Variants in CLCN4 observed in about 807,000 individuals in gnomAD.
CLCN4 encodes Cl-/H+ antiporter 4.
CLCN4 carries 1 observed loss-of-function variant against 41.7 expected under a neutral mutation model. The observed-to-expected ratio is 0.02, with a 90% CI of 0.01 to 0.11. CLCN4 has a LOEUF of 0.11. Among genes scored for constraint, CLCN4 ranks in the 10% least tolerant of loss-of-function variants. The pLI is 1.00. For missense variants in CLCN4, 287 were observed against 661.0 expected (o/e 0.43, Z 6.20); for synonymous variants, 277 against 285.8 (o/e 0.97, Z 0.31).
At chrX:10,190,970 C>A (rs1430731004) in intron 4 of CLCN4, among the ~76,000 whole-genome samples, 1 of 111,931 alleles carries the variant, frequency 8.9e-6, no homozygotes, top group East Asian at 2.8e-4. Context: ...TCTCTGTAAG[C>A]CTCACCTCCC....
chrX:10,226,099 C>T (rs898831349), intron 12 of CLCN4, among the ~76,000 whole-genome samples: 5 of 111,348 alleles, frequency 4.5e-5, no homozygotes, highest in South Asian at 3.8e-4. Context: ...TTCTTCTTGG[C>T]GCCACATGAC....
intron 8 of CLCN4, 126 bp downstream of exon 8, chrX:10,206,902 TTTTG>T (rs1924405667): frequency 1.0e-5 from 5 of 477,257 alleles, no homozygotes; most frequent in South Asian, 8.8e-5. Flanking sequence ...ACTGTTTTTT[TTTTG>T]TTTTGTTTTT....
At chrX:10,207,921 C>T in intron 8 of CLCN4, 124 bp from the exon 9 acceptor site, 4 of 582,109 alleles carry the variant, frequency 6.9e-6, no homozygotes, top group Non-Finnish European at 1.1e-5. Flanking sequence ...ACATTAAGTC[C>T]AGGCTCATGG....
At position 10,158,381 on chromosome X, in the gene CLCN4, G is replaced by A; in HGVS notation, c.-182G>A. On this transcript the variant is annotated 5_prime_UTR_variant, in exon 2 of 13. Coordinates refer to ENST00000380833, the MANE Select transcript of CLCN4 (RefSeq NM_001830.4). ...GACCCTCACCTCCCGGGACTTCCAGGGTCTTCCCCCCACCCCGCGCACACC... is the reference window on the plus strand; with the variant it reads ...GACCCTCACCTCCCGGGACTTCCAGAGTCTTCCCCCCACCCCGCGCACACC... 1 of 296,553 alleles carries A rather than the reference G, an allele frequency of 3.4e-6. No homozygotes were observed. The highest frequency in any genetic ancestry group is 4.8e-5 in the East Asian group (1 of 20,984). The allele number at this position is 296,553 out of a possible 1,213,427, so 24.4% of individuals were successfully genotyped here.
intron 2 of CLCN4, among the ~76,000 whole-genome samples, chrX:10,174,027 C>T (rs979806719): frequency 1.8e-5 from 2 of 112,038 alleles, no homozygotes; most frequent in Non-Finnish European, 3.8e-5. Flanking sequence ...ATAGCAATCC[C>T]CCTCCCCAGA....
intron 2 of CLCN4, among the ~76,000 whole-genome samples, chrX:10,175,905 CCT>C (rs1302038229): frequency 2.3e-5 from 1 of 43,819 alleles, no homozygotes; most frequent in Non-Finnish European, 3.9e-5. Context: ...TCTCTCTCTC[CCT>C]CCCTCCCTCT....
chrX:10,207,440 C>T (rs5978384), intron 8 of CLCN4, among the ~76,000 whole-genome samples: 7,368 of 111,999 alleles, frequency 0.066, 546 homozygotes, highest in African/African-American at 0.21. Flanking sequence ...GTTGTAGCTG[C>T]TCAGCTCTGC....
chrX:10,216,475 C>T (rs1244485198), intron 11 of CLCN4, among the ~76,000 whole-genome samples: 2 of 111,141 alleles, frequency 1.8e-5, no homozygotes, highest in East Asian at 5.7e-4. Context: ...GGCTCAGGTG[C>T]TTCTTGTCTT....
chrX:10,204,611 G>GTTTTTTT (rs1307394281), intron 6 of CLCN4, among the ~76,000 whole-genome samples: 1 of 19,683 alleles, frequency 5.1e-5, no homozygotes, highest in Non-Finnish European at 1.1e-4. Flanking sequence ...AAAGCTAGTA[G>GTTTTTTT]TCTTTTTTTT....
chrX:10,189,783 A>C (rs1370605180), intron 4 of CLCN4, among the ~76,000 whole-genome samples: 1 of 112,100 alleles, frequency 8.9e-6, no homozygotes, highest in African/African-American at 3.2e-5. Flanking sequence ...GCTTATCAGA[A>C]GTCACCGCTA....
intron 2 of CLCN4, among the ~76,000 whole-genome samples, chrX:10,161,522 C>T (rs1049723821): frequency 2.7e-5 from 3 of 112,121 alleles, no homozygotes; most frequent in African/African-American, 6.5e-5. Context: ...TTGTGGCCCT[C>T]GATTGGATTC....
At position 10,212,339 on chromosome X, in the gene CLCN4, A is replaced by G. The variant is rs1193613881; in HGVS notation, c.1390-128A>G. On this transcript the variant is annotated intron_variant, in intron 9 of 12. Coordinates refer to ENST00000380833, the MANE Select transcript of CLCN4 (RefSeq NM_001830.4). ...CCTTTCCCCAGCTGACCTATTTTGCAGAGTTGCACCTCCTCTGAAGACTGA... is the reference window on the plus strand; with the variant it reads ...CCTTTCCCCAGCTGACCTATTTTGCGGAGTTGCACCTCCTCTGAAGACTGA... 1.5e-5 allele frequency: 9 copies of G among 601,473 alleles called. No individual in the cohort carries two copies. In the African/African-American group the frequency reaches 1.8e-4, roughly 12 times the overall value. 49.6% of individuals were successfully genotyped at this position (601,473 alleles called of 1,213,427 possible).
At chrX:10,203,525 C>T (rs149071272) in intron 6 of CLCN4, among the ~76,000 whole-genome samples, 1 of 111,875 alleles carries the variant, frequency 8.9e-6, no homozygotes, top group Admixed American at 9.5e-5. Flanking sequence ...CTCCCCAAAT[C>T]GCCCAAGGTG....
intron 2 of CLCN4, among the ~76,000 whole-genome samples, chrX:10,167,669 G>T (rs183038949): frequency 8.9e-6 from 1 of 112,687 alleles, no homozygotes; most frequent in Admixed American, 9.3e-5. Context: ...GGGGATGCCA[G>T]CGAGCAAGTT....
At chrX:10,179,774 C>A (rs1923627190) in intron 2 of CLCN4, among the ~76,000 whole-genome samples, 1 of 112,572 alleles carries the variant, frequency 8.9e-6, no homozygotes, top group Non-Finnish European at 1.9e-5. Flanking sequence ...ATGCCAGGCA[C>A]AAATTGCTTT....
chrX:10,211,889 C>G (rs1924562855), intron 9 of CLCN4, among the ~76,000 whole-genome samples: 1 of 111,907 alleles, frequency 8.9e-6, no homozygotes, highest in African/African-American at 3.3e-5. Flanking sequence ...AGAAAATGTA[C>G]TTCATTAGGA....
chrX:10,224,328 G>A (rs964606512), intron 12 of CLCN4, among the ~76,000 whole-genome samples: 18 of 104,642 alleles, frequency 1.7e-4, no homozygotes, highest in African/African-American at 6.2e-4. Flanking sequence ...GTGTGTGTGT[G>A]TGTGTATGTG....
At chrX:10,203,275 G>A (rs191641971) in intron 6 of CLCN4, among the ~76,000 whole-genome samples, 128 of 111,624 alleles carry the variant, frequency 1.1e-3, no homozygotes, top group Non-Finnish European at 2.0e-3. Flanking sequence ...TGTGGCAGGC[G>A]TAATAAAACA....
At chrX:10,209,473 ATCTCAGCC>A (rs1324459829) in intron 9 of CLCN4, among the ~76,000 whole-genome samples, 6 of 107,749 alleles carry the variant, frequency 5.6e-5, no homozygotes, top group Middle Eastern at 9.5e-3. Flanking sequence ...TGATCCTCCC[ATCTCAGCC>A]TCCCAAGTAG....
Sources: allele counts gnomAD v4.1 joint callset (sites outside exome capture counted in the v4.1 genomes callset), GRCh38; gene constraint gnomAD v4.1.1; transcripts MANE v1.5; gene names NCBI Gene and HGNC (gene_info 2026-07-23, HGNC 2026-07-21).